SMARCA2: variants seen among roughly 807,000 people sequenced by gnomAD.
The protein encoded by SMARCA2 is SWI/SNF-related matrix-associated actin-dependent regulator of chromatin subfamily A member 2.
In SMARCA2, 61 loss-of-function variants were observed where a neutral mutation model predicts 199.8. The observed-to-expected ratio is 0.31, with a 90% CI of 0.25 to 0.38. The LOEUF (loss-of-function observed/expected upper bound fraction) is 0.38, where lower values mean the gene tolerates loss of function less well. SMARCA2 is among the 10% of genes least tolerant of loss of function. The probability of loss-of-function intolerance (pLI) is 1.00; values close to 1 mark genes in which losing one functional copy is unlikely to be tolerated. For synonymous variants in SMARCA2, 935 were observed against 732.0 expected (o/e 1.28, Z -4.48); for missense variants, 1,344 against 2,012.2 (o/e 0.67, Z 6.35).
chr9:2,162,488 A>T (rs1009818469), intron 28 of SMARCA2, among the ~76,000 whole-genome samples: 13 of 152,140 alleles, frequency 8.5e-5, no homozygotes, highest in Non-Finnish European at 1.9e-4. Context: ...GCTGTGTGGG[A>T]CACTCCTCCC....
intron 27 of SMARCA2, among the ~76,000 whole-genome samples, chr9:2,143,718 C>T (rs535125591): frequency 5.9e-5 from 9 of 152,236 alleles, no homozygotes; most frequent in South Asian, 4.1e-4. Flanking sequence ...TTAGATGAGA[C>T]GGACAGGATC....
intron 8 of SMARCA2, among the ~76,000 whole-genome samples, chr9:2,059,995 G>C (rs138074157): frequency 6.6e-6 from 1 of 151,836 alleles, no homozygotes; most frequent in Non-Finnish European, 1.5e-5. Flanking sequence ...TCATCATGTT[G>C]CTTAATGGGA....
chr9:2,061,134 TG>T, intron 9 of SMARCA2, 148 bp downstream of exon 9: 2 of 723,652 alleles, frequency 2.8e-6, no homozygotes, highest in Non-Finnish European at 4.4e-6. Context: ...GGGTATGGCA[TG>T]GAAGTGTTGA....
intron 19 of SMARCA2, among the ~76,000 whole-genome samples, chr9:2,092,123 C>T (rs1261481879): frequency 6.6e-6 from 1 of 152,134 alleles, no homozygotes; most frequent in Non-Finnish European, 1.5e-5. Context: ...ATTGATTTTT[C>T]TATTTAGCTC....
chr9:2,117,179 ACTGT>A lies in SMARCA2; in HGVS notation c.3684+1135_3684+1138del, dbSNP rs1383176476. ...AAGTCCAGCCGTTGTTAAGCCAGAG[ACTGT>A]CTGTATATTTTTTTTTTCTAAAATG... On this transcript the variant is annotated intron_variant, in intron 25 of 33. Coordinates refer to ENST00000349721, the MANE Select transcript of SMARCA2 (RefSeq NM_003070.5). Among the ~76,000 whole-genome samples, 3 of 150,780 alleles carry A rather than the reference ACTGT, an allele frequency of 2.0e-5. No individual in the cohort carries two copies. In the East Asian group the frequency reaches 6.1e-4, roughly 31 times the overall value.
At chr9:2,083,325 G>GTTTTTTTTTTTT in intron 15 of SMARCA2, 22 bp from the exon 16 acceptor site, 1 of 1,181,354 alleles carries the variant, frequency 8.5e-7, no homozygotes, top group South Asian at 1.5e-5. Context: ...TTTTTCTGTT[G>GTTTTTTTTTTTT]TTTTTTTTTT....
At chr9:2,174,057 C>G (rs1488510900) in intron 29 of SMARCA2, among the ~76,000 whole-genome samples, 1 of 152,160 alleles carries the variant, frequency 6.6e-6, no homozygotes, top group Admixed American at 6.5e-5. Flanking sequence ...GTTATGCCCA[C>G]GTACAGCAGG....
intron 22 of SMARCA2, 87 bp downstream of exon 22, chr9:2,101,703 A>C: frequency 1.5e-6 from 1 of 673,190 alleles, no homozygotes; most frequent in Non-Finnish European, 2.6e-6. Flanking sequence ...CCTCTTGTGC[A>C]AATACTTACT....
rs935568557 is a variant in SMARCA2, at chr9:2,115,227, G to C, written c.3457-595G>C. ...TAGTGACAAATTTCTGTCCCCAAAA[G>C]TTTACCAGTTGACTACCCAACTAGC... On this transcript the variant is annotated intron_variant, in intron 24 of 33. Transcript: ENST00000349721. This position sits in a 1 kb window ranked among gnomAD's most constrained non-coding sequence, Gnocchi z 6.0. Among the ~76,000 whole-genome samples the C allele has an allele frequency of 5.3e-5, 8 of 152,118 alleles. No individual in the cohort carries two copies. Among genetic ancestry groups the C allele is most frequent in the East Asian group, 1.9e-4 (1 of 5,180 alleles).
intron 6 of SMARCA2, among the ~76,000 whole-genome samples, chr9:2,054,927 T>G (rs1171080768): frequency 6.6e-6 from 1 of 152,244 alleles, no homozygotes; most frequent in Non-Finnish European, 1.5e-5. Context: ...TTTTCTCTTC[T>G]GTATATGGGA....
intron 27 of SMARCA2, among the ~76,000 whole-genome samples, chr9:2,145,076 G>C (rs1284167598): frequency 1.3e-5 from 2 of 152,190 alleles, no homozygotes; most frequent in Non-Finnish European, 1.5e-5. Flanking sequence ...TAGGCGGACG[G>C]ATCACTTGAG....
At chr9:2,025,315 G>A (rs1818780545) in intron 1 of SMARCA2, among the ~76,000 whole-genome samples, 1 of 152,144 alleles carries the variant, frequency 6.6e-6, no homozygotes, top group Non-Finnish European at 1.5e-5. Flanking sequence ...AGCAATGCAT[G>A]TGTATGGGGA....
At chr9:2,067,551 T>A (rs545130007) in intron 9 of SMARCA2, among the ~76,000 whole-genome samples, 1 of 152,272 alleles carries the variant, frequency 6.6e-6, no homozygotes, top group African/African-American at 2.4e-5. Context: ...ATTGTACATG[T>A]CGAAATAGTG....
intron 2 of SMARCA2, among the ~76,000 whole-genome samples, chr9:2,030,279 C>T (rs892538223): frequency 6.6e-6 from 1 of 152,166 alleles, no homozygotes; most frequent in Non-Finnish European, 1.5e-5. Flanking sequence ...AGTCACCAAT[C>T]TGGATACCCA....
chr9:2,118,589 C>T (rs1823319811), intron 25 of SMARCA2, among the ~76,000 whole-genome samples: 1 of 152,150 alleles, frequency 6.6e-6, no homozygotes, highest in Non-Finnish European at 1.5e-5. Context: ...CTAACAAGCC[C>T]ACTCAGCATA....
At chr9:2,091,972 A>G (rs1373157966) in intron 19 of SMARCA2, among the ~76,000 whole-genome samples, 2 of 152,232 alleles carry the variant, frequency 1.3e-5, no homozygotes, top group African/African-American at 4.8e-5. Flanking sequence ...GGTCTAATGA[A>G]ACACTTAATG....
At chr9:2,083,010 C>A (rs10964681) in intron 15 of SMARCA2, among the ~76,000 whole-genome samples, 8,132 of 152,154 alleles carry the variant, frequency 0.053, 274 homozygotes, top group Middle Eastern at 0.078. Flanking sequence ...TTTTTCTGAA[C>A]CTATATGGCT....
In SMARCA2 at chr9:2,170,583, C is replaced by G. The variant is rs189480501; in HGVS notation, c.4253+111C>G. The G allele has an allele frequency of 9.4e-4, 1,458 of 1,546,232 alleles. No individual in the cohort carries two copies. The highest frequency in any genetic ancestry group is 1.1e-3 in the Non-Finnish European group (1,210 of 1,129,242). On this transcript the variant is annotated intron_variant, in intron 29 of 33. Transcript: ENST00000349721. This position sits in a 1 kb window ranked among gnomAD's most constrained non-coding sequence, Gnocchi z 4.7. ...GGAAGCAAATTTCTTCGGTCACCTCCTGATCACCCCTACTTGGAGAGCGGG... is the reference window on the plus strand; with the variant it reads ...GGAAGCAAATTTCTTCGGTCACCTCGTGATCACCCCTACTTGGAGAGCGGG...
intron 19 of SMARCA2, among the ~76,000 whole-genome samples, chr9:2,095,444 A>AGTTATCT (rs1386458334): frequency 6.6e-6 from 1 of 152,228 alleles, no homozygotes; most frequent in Non-Finnish European, 1.5e-5. Context: ...TAACATGATC[A>AGTTATCT]GTTATCTAAA....
Sources: gnomAD v4.1 joint callset for allele counts (sites outside exome capture counted in the v4.1 genomes callset) on GRCh38, gnomAD v4.1.1 for gene constraint, Gnocchi (gnomAD v3.1) non-coding constraint, MANE v1.5 for transcripts, NCBI Gene and HGNC (gene_info 2026-07-23, HGNC 2026-07-21) for gene names.